MAP4K4: variants seen among roughly 807,000 people sequenced by gnomAD.
MAP4K4 encodes mitogen-activated protein kinase kinase kinase kinase 4, also known as HPK/GCK-like kinase HGK.
A neutral mutation model predicts 189.6 loss-of-function variants in MAP4K4; 38 were observed. The observed-to-expected ratio is 0.20, with a 90% CI of 0.15 to 0.26. The LOEUF is 0.26. Ranked by LOEUF, MAP4K4 falls within the 10% of genes least tolerant of loss-of-function variation. The pLI, the probability that MAP4K4 is intolerant of heterozygous loss-of-function variation, is 1.00. For missense variants in MAP4K4, 1,054 were observed against 1,726.9 expected (o/e 0.61, Z 6.91); for synonymous variants, 610 against 624.3 (o/e 0.98, Z 0.34).
chr2:101,744,713 G>C (rs895145993), intron 2 of MAP4K4, among the ~76,000 whole-genome samples: 3 of 152,084 alleles, frequency 2.0e-5, no homozygotes, highest in Non-Finnish European at 4.4e-5. Flanking sequence ...GAAGACACCA[G>C]GGGTGCAGAA....
chr2:101,715,376 T>C (rs560341177), intron 2 of MAP4K4, among the ~76,000 whole-genome samples: 8 of 152,302 alleles, frequency 5.3e-5, no homozygotes, highest in African/African-American at 1.9e-4. Context: ...GTCAGTAATT[T>C]TTGGGGGATC....
chr2:101,734,533 A>G (rs1428891924), intron 2 of MAP4K4, among the ~76,000 whole-genome samples: 1 of 152,204 alleles, frequency 6.6e-6, no homozygotes. Context: ...ATACCAGTTC[A>G]GCCATCATTA....
intron 13 of MAP4K4, among the ~76,000 whole-genome samples, chr2:101,857,886 C>T (rs1330526020): frequency 6.6e-6 from 1 of 152,168 alleles, no homozygotes; most frequent in African/African-American, 2.4e-5. Context: ...TGCACCATGA[C>T]ACAAGGGGAT....
chr2:101,734,891 C>T (rs369427682), intron 2 of MAP4K4, among the ~76,000 whole-genome samples: 12 of 152,176 alleles, frequency 7.9e-5, no homozygotes, highest in African/African-American at 2.9e-4. Flanking sequence ...CTCAGAAGTC[C>T]TCAGCATCTA....
At chr2:101,781,613 A>G (rs1338272398) in intron 2 of MAP4K4, among the ~76,000 whole-genome samples, 1 of 152,154 alleles carries the variant, frequency 6.6e-6, no homozygotes, top group African/African-American at 2.4e-5. Flanking sequence ...CCACTCTCTT[A>G]GACTAACCTT....
rs1461356005 is a variant in MAP4K4, at chr2:101,750,427, G to A, written c.124-40293G>A. ...TCGCAAGAACAAAAAACCAAACACC[G>A]CATATTCTCACTCATAGGTGGGAAT... On this transcript the variant is annotated intron_variant, in intron 2 of 32. Transcript: ENST00000324219. Among the ~76,000 whole-genome samples, 896 of 145,888 alleles carry A rather than the reference G, an allele frequency of 6.1e-3. 10 individuals are homozygous for A. Among genetic ancestry groups the A allele is most frequent in the African/African-American group, 0.022 (859 of 38,962 alleles).
At chr2:101,819,384 T>C (rs914819780) in intron 3 of MAP4K4, among the ~76,000 whole-genome samples, 1 of 152,372 alleles carries the variant, frequency 6.6e-6, no homozygotes, top group East Asian at 1.9e-4. Flanking sequence ...TTTCCAGTTG[T>C]AGCTGGCTCA....
intron 2 of MAP4K4, among the ~76,000 whole-genome samples, chr2:101,733,519 A>G (rs954005659): frequency 1.3e-5 from 2 of 152,194 alleles, no homozygotes; most frequent in Admixed American, 1.3e-4. Flanking sequence ...TGGTTGTAGG[A>G]GCAGCCACAG....
chr2:101,878,816 G>A (rs2098287502), intron 27 of MAP4K4, among the ~76,000 whole-genome samples: 1 of 152,020 alleles, frequency 6.6e-6, no homozygotes, highest in South Asian at 2.1e-4. Flanking sequence ...GTTAGTACAA[G>A]CTTGTTATGT....
intron 12 of MAP4K4, 134 bp downstream of exon 12, chr2:101,844,445 A>G (rs2097025331): frequency 2.8e-6 from 2 of 717,728 alleles, no homozygotes; most frequent in Non-Finnish European, 2.3e-6. Context: ...TGTTTACATA[A>G]CTTGTGAAAG....
chr2:101,888,811 A>G (rs770607337), exon 32 of MAP4K4: 1 of 1,610,942 alleles, frequency 6.2e-7, no homozygotes. Context: ...ATTCGATCCA[A>G]TCAGACAATG....
chr2:101,709,163 C>G lies in MAP4K4; in HGVS notation c.123+10625C>G, dbSNP rs147421363. On this transcript the variant is annotated intron_variant, in intron 2 of 32. Coordinates refer to ENST00000324219, the Ensembl canonical transcript of MAP4K4. The stretch of plus-strand genomic sequence containing the variant: ...AGTTGAAGTTTTGTGTCCCTGAATC[C>G]TTTATCTTCCCCAGTCTTATTATTA... 2.4e-4 allele frequency among the ~76,000 whole-genome samples: 37 copies of G among 152,242 alleles called. No individual in the cohort carries two copies. The East Asian group carries it at 6.6e-3, about 27-fold the overall frequency.
chr2:101,778,633 A>C (rs993390112), intron 2 of MAP4K4, among the ~76,000 whole-genome samples: 1 of 152,144 alleles, frequency 6.6e-6, no homozygotes, highest in African/African-American at 2.4e-5. Context: ...GGATCTTCAG[A>C]AAACAGCCAC....
chr2:101,796,467 GA>G (rs1264897702), intron 3 of MAP4K4, among the ~76,000 whole-genome samples: 1 of 152,134 alleles, frequency 6.6e-6, no homozygotes, highest in Non-Finnish European at 1.5e-5. Context: ...TCTTGCTCAG[GA>G]GTACATTGCT....
chr2:101,699,836 G>C (rs943995434), intron 2 of MAP4K4, among the ~76,000 whole-genome samples: 2 of 152,164 alleles, frequency 1.3e-5, no homozygotes, highest in Non-Finnish European at 2.9e-5. Flanking sequence ...TGTTCGGGCC[G>C]GGGCCAGATT....
chr2:101,894,589 A>C (rs1386158608), exon 33 of MAP4K4: 1 of 152,752 alleles, frequency 6.5e-6, no homozygotes, highest in Non-Finnish European at 1.5e-5. Context: ...TGGCAAGTAC[A>C]CAGCCCTTTT....
At chr2:101,703,375 T>C (rs2040124618) in intron 2 of MAP4K4, among the ~76,000 whole-genome samples, 1 of 152,012 alleles carries the variant, frequency 6.6e-6, no homozygotes, top group Non-Finnish European at 1.5e-5. Flanking sequence ...CCCAGCACTT[T>C]GGGAGGCTGA....
chr2:101,822,235 T>C (rs201800890), intron 3 of MAP4K4, among the ~76,000 whole-genome samples: 2 of 152,250 alleles, frequency 1.3e-5, no homozygotes, highest in African/African-American at 2.4e-5. Context: ...AATAATTTTA[T>C]ACAGCTGGCT....
At chr2:101,742,178 G>C (rs150430864) in intron 2 of MAP4K4, among the ~76,000 whole-genome samples, 171 of 152,280 alleles carry the variant, frequency 1.1e-3, no homozygotes, top group African/African-American at 4.1e-3. Context: ...GTTGGGCTCA[G>C]CCTGACTCAG....
Sources: allele counts gnomAD v4.1 joint callset (sites outside exome capture counted in the v4.1 genomes callset), GRCh38; gene constraint gnomAD v4.1.1; transcripts MANE v1.5; gene names NCBI Gene and HGNC (gene_info 2026-07-23, HGNC 2026-07-21).